Variants in ANKRD36 observed in about 807,000 individuals in gnomAD.
ANKRD36 encodes the protein ankyrin repeat domain 36, also known as ankyrin repeat domain-containing protein 36A.
Under a neutral mutation model 278.1 loss-of-function variants are expected in ANKRD36, and 179 were observed. The observed-to-expected ratio is 0.64, with a 90% CI of 0.57 to 0.73. The LOEUF (loss-of-function observed/expected upper bound fraction) is 0.73. Ranked by LOEUF, ANKRD36 falls within the 30% of genes least tolerant of loss-of-function variation. The probability of loss-of-function intolerance (pLI) is 0.00; values close to 1 mark genes in which losing one functional copy is unlikely to be tolerated. For synonymous variants in ANKRD36, 320 were observed against 641.1 expected (o/e 0.50, Z 7.57); for missense variants, 1,159 against 1,956.7 (o/e 0.59, Z 7.69).
chr2:97,205,288 G>T (rs1307202055), intron 50 of ANKRD36, among the ~76,000 whole-genome samples: 1 of 151,522 alleles, frequency 6.6e-6, no homozygotes, highest in Non-Finnish European at 1.5e-5. Context: ...TGCCATGAGT[G>T]GATGAAGAAA....
chr2:97,177,531 A>G (rs2054660027), intron 22 of ANKRD36, among the ~76,000 whole-genome samples: 1 of 152,028 alleles, frequency 6.6e-6, no homozygotes, highest in Admixed American at 6.6e-5. Context: ...CTGCATATCT[A>G]CAGCTACCTG....
At chr2:97,201,985 C>T (rs2061500852) in intron 46 of ANKRD36, among the ~76,000 whole-genome samples, 1 of 151,878 alleles carries the variant, frequency 6.6e-6, no homozygotes, top group African/African-American at 2.4e-5. Flanking sequence ...AGAAATCATA[C>T]CATGTTTGAA....
intron 67 of ANKRD36, among the ~76,000 whole-genome samples, chr2:97,225,867 C>T (rs1456104239): frequency 2.0e-5 from 3 of 150,548 alleles, no homozygotes; most frequent in Non-Finnish European, 4.4e-5. Context: ...TGAGTGAGAA[C>T]ATGCAGTGTT....
chr2:97,169,576 C>T (rs544397183), intron 22 of ANKRD36, among the ~76,000 whole-genome samples: 1 of 152,384 alleles, frequency 6.6e-6, no homozygotes, highest in East Asian at 1.9e-4. Flanking sequence ...TGATAAGCAA[C>T]ATCAGCAAAG....
At chr2:97,248,035 G>A (rs1214704246) in intron 72 of ANKRD36, 4 of 141,366 alleles carry the variant, frequency 2.8e-5, no homozygotes, top group African/African-American at 1.0e-4. Flanking sequence ...AATGTCTAAT[G>A]GAATGTTTCA....
At chr2:97,131,211 A>T (rs2040057520) in intron 6 of ANKRD36, among the ~76,000 whole-genome samples, 1 of 148,312 alleles carries the variant, frequency 6.7e-6, no homozygotes, top group Non-Finnish European at 1.5e-5. Flanking sequence ...TTTTTTTGAG[A>T]TTGAGTCTTT....
At chr2:97,194,591 G>C in intron 38 of ANKRD36, 135 bp from the exon 39 acceptor site, 1 of 1,507,914 alleles carries the variant, frequency 6.6e-7, no homozygotes, top group Non-Finnish European at 9.0e-7. Context: ...CTGGTCCCCA[G>C]ACAGAAAGTA....
chr2:97,124,704 G>A, intron 5 of ANKRD36, 107 bp downstream of exon 5: 1 of 1,301,640 alleles, frequency 7.7e-7, no homozygotes, highest in Non-Finnish European at 1.0e-6. Flanking sequence ...GGTTCAAGTA[G>A]TTTTCAAGTG....
chr2:97,210,349 A>C (rs193265421), intron 56 of ANKRD36, among the ~76,000 whole-genome samples: 66 of 151,886 alleles, frequency 4.3e-4, no homozygotes, highest in Non-Finnish European at 8.0e-4. Flanking sequence ...AGGAAGGCGG[A>C]ATAAGAGGAA....
intron 22 of ANKRD36, among the ~76,000 whole-genome samples, chr2:97,170,555 A>C (rs1326961011): frequency 6.6e-6 from 1 of 152,048 alleles, no homozygotes; most frequent in Non-Finnish European, 1.5e-5. Flanking sequence ...TACAAAAATC[A>C]ATTCAAGATG....
chr2:97,193,537 A>G (rs13024196), intron 38 of ANKRD36, among the ~76,000 whole-genome samples: 66,668 of 122,796 alleles, frequency 0.54, 22,279 homozygotes, highest in Non-Finnish European at 0.76. Context: ...TGTGAAAAGA[A>G]GAAGTCATTT....
chr2:97,228,446 G>A (rs2070717827), intron 67 of ANKRD36, among the ~76,000 whole-genome samples: 1 of 152,118 alleles, frequency 6.6e-6, no homozygotes, highest in African/African-American at 2.4e-5. Context: ...AGTATTCTCT[G>A]ATGGTAGTTT....
At chr2:97,198,274 C>G (rs2060358383) in intron 42 of ANKRD36, among the ~76,000 whole-genome samples, 189 bp from the exon 43 acceptor site, 4 of 151,906 alleles carry the variant, frequency 2.6e-5, no homozygotes. Flanking sequence ...GACTATATTT[C>G]ATGGAGCCTG....
At chr2:97,199,211 G>T (rs1446830273) in intron 44 of ANKRD36, among the ~76,000 whole-genome samples, 2 of 151,836 alleles carry the variant, frequency 1.3e-5, no homozygotes, top group Admixed American at 1.3e-4. Context: ...GATGCATTGG[G>T]AATATTTCCA....
chr2:97,175,779 T>G (rs1277700802), intron 22 of ANKRD36, among the ~76,000 whole-genome samples: 2 of 150,382 alleles, frequency 1.3e-5, no homozygotes, highest in African/African-American at 4.9e-5. Context: ...TAAATTTCCC[T>G]CTACACACTG....
intron 20 of ANKRD36, among the ~76,000 whole-genome samples, chr2:97,166,039 A>G (rs1257144925): frequency 1.1e-5 from 1 of 88,598 alleles, no homozygotes; most frequent in African/African-American, 2.7e-5. Context: ...ATGTTTAATA[A>G]AATTTTAGAG....
At chr2:97,128,267 GCTATCCTGTGA>G (rs973842670) in intron 6 of ANKRD36, among the ~76,000 whole-genome samples, 1 of 151,606 alleles carries the variant, frequency 6.6e-6, no homozygotes, top group African/African-American at 2.4e-5. Context: ...AGAATGAGAA[GCTATCCTGTGA>G]CAAAACCCTG....
chr2:97,226,773 C>T (rs1443524190), intron 67 of ANKRD36, among the ~76,000 whole-genome samples: 3 of 151,294 alleles, frequency 2.0e-5, no homozygotes, highest in Non-Finnish European at 4.4e-5. Flanking sequence ...AACGTTTAAG[C>T]CTTTAATCCA....
intron 17 of ANKRD36, among the ~76,000 whole-genome samples, chr2:97,161,468 G>A (rs777530753): frequency 9.0e-4 from 137 of 151,810 alleles, no homozygotes; most frequent in Non-Finnish European, 1.1e-3. Flanking sequence ...TGGAATGTTC[G>A]TTTTTGTTTC....
Sources: allele counts gnomAD v4.1 joint callset (sites outside exome capture counted in the v4.1 genomes callset), GRCh38; gene constraint gnomAD v4.1.1; transcripts MANE v1.5; gene names NCBI Gene and HGNC (gene_info 2026-07-23, HGNC 2026-07-21).